Variants in SH3GL2 observed in about 807,000 individuals in gnomAD.
SH3GL2 encodes SH3 domain containing GRB2 like 2, endophilin A1, also known as endophilin-A1.
Under a neutral mutation model 46.0 loss-of-function variants are expected in SH3GL2, and 24 were observed. The observed-to-expected ratio is 0.52, with a 90% CI of 0.38 to 0.73. The LOEUF (loss-of-function observed/expected upper bound fraction) is 0.73. SH3GL2 is among the 30% of genes least tolerant of loss of function. The pLI is 0.00. For synonymous variants in SH3GL2, 196 were observed against 147.1 expected (o/e 1.33, Z -2.40); for missense variants, 413 against 424.2 (o/e 0.97, Z 0.23).
intron 1 of SH3GL2, among the ~76,000 whole-genome samples, chr9:17,651,861 A>C (rs890557670): frequency 1.3e-5 from 2 of 151,768 alleles, no homozygotes; most frequent in African/African-American, 4.8e-5. Flanking sequence ...TTTTTCCTCT[A>C]TTTTTATTCT....
At chr9:17,692,488 A>G (rs1194386428) in intron 1 of SH3GL2, among the ~76,000 whole-genome samples, 1 of 152,038 alleles carries the variant, frequency 6.6e-6, no homozygotes, top group Non-Finnish European at 1.5e-5. Flanking sequence ...TCTACTAAAA[A>G]TACAAAAATT....
At chr9:17,630,616 C>G (rs558145497) in intron 1 of SH3GL2, among the ~76,000 whole-genome samples, 22 of 152,288 alleles carry the variant, frequency 1.4e-4, no homozygotes, top group African/African-American at 5.1e-4. Flanking sequence ...TTCTTGTTGT[C>G]TTTAAGACTT....
intron 1 of SH3GL2, among the ~76,000 whole-genome samples, chr9:17,698,760 A>G (rs1414456119): frequency 1.3e-5 from 2 of 152,202 alleles, no homozygotes; most frequent in Non-Finnish European, 2.9e-5. Context: ...GAAGGTCACA[A>G]GTACAGATGT....
intron 1 of SH3GL2, among the ~76,000 whole-genome samples, chr9:17,737,752 C>T (rs1374084882): frequency 1.3e-5 from 2 of 152,092 alleles, no homozygotes; most frequent in African/African-American, 4.8e-5. Flanking sequence ...GCTCAGGGTT[C>T]CTTCCTTGAC....
intron 1 of SH3GL2, among the ~76,000 whole-genome samples, chr9:17,618,875 G>A (rs902113506): frequency 6.6e-6 from 1 of 151,808 alleles, no homozygotes; most frequent in African/African-American, 2.4e-5. Flanking sequence ...CTCCTTGCAA[G>A]AGAGAGAGAG....
chr9:17,581,535 T>C (rs1044814267), intron 1 of SH3GL2, among the ~76,000 whole-genome samples: 3 of 152,222 alleles, frequency 2.0e-5, no homozygotes, highest in African/African-American at 7.2e-5. Flanking sequence ...AATGTTTGCA[T>C]GTGACAAAAA....
At chr9:17,660,197 TG>T (rs1380544430) in intron 1 of SH3GL2, among the ~76,000 whole-genome samples, 5 of 150,916 alleles carry the variant, frequency 3.3e-5, no homozygotes, top group Non-Finnish European at 7.3e-5. Context: ...GCCAGGGCTG[TG>T]TTAAATTTGA....
At chr9:17,674,450 A>G (rs776704098) in intron 1 of SH3GL2, among the ~76,000 whole-genome samples, 8 of 152,064 alleles carry the variant, frequency 5.3e-5, no homozygotes, top group Non-Finnish European at 7.4e-5. Flanking sequence ...TTTTTTTAGT[A>G]GGGACAGGGT....
intron 1 of SH3GL2, among the ~76,000 whole-genome samples, chr9:17,741,190 A>T (rs1357053860): frequency 6.6e-6 from 1 of 152,192 alleles, no homozygotes; most frequent in African/African-American, 2.4e-5. Context: ...TTTTAATATG[A>T]GTAAAATTAT....
At chr9:17,604,457 AT>A (rs1490969000) in intron 1 of SH3GL2, among the ~76,000 whole-genome samples, 1 of 152,174 alleles carries the variant, frequency 6.6e-6, no homozygotes, top group Non-Finnish European at 1.5e-5. Flanking sequence ...GCCGTTTGTT[AT>A]TGCTTTGTTA....
At chr9:17,721,433 A>G (rs942190823) in intron 1 of SH3GL2, among the ~76,000 whole-genome samples, 5 of 152,124 alleles carry the variant, frequency 3.3e-5, no homozygotes, top group Non-Finnish European at 7.4e-5. Context: ...ACAGGATCAT[A>G]CTAATGTAAG....
At chr9:17,676,444 G>A (rs1820611790) in intron 1 of SH3GL2, among the ~76,000 whole-genome samples, 2 of 151,910 alleles carry the variant, frequency 1.3e-5, no homozygotes, top group African/African-American at 4.8e-5. Context: ...TGTCTCTACT[G>A]AAAATACTAA....
Position 17,762,299 on chromosome 9 carries a change from A to G in SH3GL2, c.187+790A>G, listed in dbSNP as rs189705676. On this transcript the variant is annotated intron_variant, in intron 3 of 8. Transcript: ENST00000380607. ...TGAGGCTAGTTTCTTTGCAAGTTTC[A>G]GGTTGGGGTTCCGTGTATTTTATGG... Among the ~76,000 whole-genome samples, 452 of 151,706 alleles carry G rather than the reference A, an allele frequency of 3.0e-3. 3 individuals are homozygous for G. Among genetic ancestry groups the G allele is most frequent in the African/African-American group, 0.01 (426 of 41,294 alleles).
At chr9:17,621,882 T>G (rs1015088750) in intron 1 of SH3GL2, among the ~76,000 whole-genome samples, 4 of 152,204 alleles carry the variant, frequency 2.6e-5, no homozygotes, top group African/African-American at 9.7e-5. Flanking sequence ...CCGCAGTTTT[T>G]GACTTTTTCT....
chr9:17,774,359 C>G (rs9407861), intron 3 of SH3GL2, among the ~76,000 whole-genome samples: 1 of 152,000 alleles, frequency 6.6e-6, no homozygotes, highest in African/African-American at 2.4e-5. Flanking sequence ...ATCATTGTCT[C>G]GTTACTGATC....
intron 1 of SH3GL2, among the ~76,000 whole-genome samples, chr9:17,633,564 CTTTTTT>C (rs1353187051): frequency 6.6e-6 from 1 of 152,066 alleles, no homozygotes; most frequent in Non-Finnish European, 1.5e-5. Context: ...ATTTCTTTTT[CTTTTTT>C]GCACCAACGT....
At chr9:17,652,112 C>T (rs1042419775) in intron 1 of SH3GL2, among the ~76,000 whole-genome samples, 4 of 151,978 alleles carry the variant, frequency 2.6e-5, no homozygotes, top group African/African-American at 4.8e-5. Flanking sequence ...TGGCTTTATT[C>T]TCTTGGATTT....
At chr9:17,667,158 C>T (rs1003214354) in intron 1 of SH3GL2, among the ~76,000 whole-genome samples, 1 of 152,080 alleles carries the variant, frequency 6.6e-6, no homozygotes, top group Non-Finnish European at 1.5e-5. Context: ...AACTGTGATA[C>T]ATGTTGCAGC....
intron 1 of SH3GL2, among the ~76,000 whole-genome samples, chr9:17,681,407 C>T (rs75977426): frequency 0.1 from 15,352 of 152,092 alleles, 989 homozygotes; most frequent in Admixed American, 0.19. Flanking sequence ...AAAATACAGG[C>T]ACATTTCTAA....
Sources: gnomAD v4.1 joint callset for allele counts (sites outside exome capture counted in the v4.1 genomes callset) on GRCh38, gnomAD v4.1.1 for gene constraint, MANE v1.5 for transcripts, NCBI Gene and HGNC (gene_info 2026-07-23, HGNC 2026-07-21) for gene names.